KIAA1217: variants seen among roughly 807,000 people sequenced by gnomAD.
The protein encoded by KIAA1217 is KIAA1217, also known as sickle tail protein homolog.
KIAA1217 carries 88 observed loss-of-function variants against 163.9 expected under a neutral mutation model. That is an observed-to-expected ratio of 0.54 (90% CI 0.45 to 0.64). The LOEUF (loss-of-function observed/expected upper bound fraction) is 0.64, where lower values mean the gene tolerates loss of function less well. Ranked by LOEUF, KIAA1217 falls within the 30% of genes least tolerant of loss-of-function variation. KIAA1217 has a pLI of 0.00. For synonymous variants in KIAA1217, 903 were observed against 923.1 expected (o/e 0.98, Z 0.39); for missense variants, 2,372 against 2,475.0 (o/e 0.96, Z 0.88).
chr10:23,810,854 ATATAGTATATATACTATACAG>A (rs1836989911), intron 1 of KIAA1217, among the ~76,000 whole-genome samples: 2 of 123,316 alleles, frequency 1.6e-5, no homozygotes, highest in African/African-American at 6.4e-5. Flanking sequence ...TATATATATT[ATATAGTATATATACTATACAG>A]TATAGTATAC....
At chr10:23,866,729 G>C (rs1840204150) in intron 1 of KIAA1217, among the ~76,000 whole-genome samples, 1 of 151,966 alleles carries the variant, frequency 6.6e-6, no homozygotes, top group Non-Finnish European at 1.5e-5. Flanking sequence ...CGAGACCTTT[G>C]CATTCTGTAG....
chr10:23,850,552 C>T (rs1467130940), intron 1 of KIAA1217, among the ~76,000 whole-genome samples: 2 of 152,060 alleles, frequency 1.3e-5, no homozygotes, highest in Non-Finnish European at 2.9e-5. Context: ...GGGCCCAGTA[C>T]CAGCTAGAGT....
chr10:24,197,072 C>T (rs2067024736), intron 2 of KIAA1217, among the ~76,000 whole-genome samples: 1 of 152,138 alleles, frequency 6.6e-6, no homozygotes, highest in African/African-American at 2.4e-5. Context: ...AGAAATTGTA[C>T]CCAAAGCAAA....
intron 2 of KIAA1217, among the ~76,000 whole-genome samples, chr10:24,224,987 T>C (rs370830714): frequency 2.8e-4 from 43 of 151,974 alleles, no homozygotes; most frequent in Admixed American, 6.5e-4. Context: ...CCACCACGCC[T>C]AGCTAATATT....
At chr10:24,283,266 T>C (rs2078163610) in intron 2 of KIAA1217, among the ~76,000 whole-genome samples, 1 of 152,244 alleles carries the variant, frequency 6.6e-6, no homozygotes. Context: ...ATAATTAGAA[T>C]TGTACAATAT....
chr10:23,713,185 T>C (rs1837365483), intron 1 of KIAA1217, among the ~76,000 whole-genome samples: 1 of 152,194 alleles, frequency 6.6e-6, no homozygotes, highest in African/African-American at 2.4e-5. Context: ...CTATCGTACC[T>C]GCTCAGTAGC....
intron 1 of KIAA1217, among the ~76,000 whole-genome samples, chr10:23,959,933 T>TTTTA (rs1844750213): frequency 6.8e-6 from 1 of 146,898 alleles, no homozygotes; most frequent in African/African-American, 2.5e-5. Context: ...TTTTTTTTTT[T>TTTTA]GAGACAGAGT....
intron 2 of KIAA1217, among the ~76,000 whole-genome samples, chr10:24,018,464 T>G (rs995307199): frequency 1.3e-5 from 2 of 151,952 alleles, no homozygotes; most frequent in Non-Finnish European, 2.9e-5. Flanking sequence ...TGCTAAATGA[T>G]GAGTTAATGG....
At chr10:23,900,694 C>A (rs1010730508) in intron 1 of KIAA1217, among the ~76,000 whole-genome samples, 5 of 152,026 alleles carry the variant, frequency 3.3e-5, no homozygotes, top group African/African-American at 1.2e-4. Context: ...GTGTTGTATT[C>A]ATCTGGGTTA....
At chr10:23,877,833 AT>A (rs1355779419) in intron 1 of KIAA1217, among the ~76,000 whole-genome samples, 1 of 151,944 alleles carries the variant, frequency 6.6e-6, no homozygotes, top group Non-Finnish European at 1.5e-5. Flanking sequence ...TACATAAAAG[AT>A]TCATATTGTG....
At chr10:24,534,060 G>T (rs763497737) in intron 16 of KIAA1217, among the ~76,000 whole-genome samples, 11 of 152,170 alleles carry the variant, frequency 7.2e-5, no homozygotes, top group Non-Finnish European at 1.2e-4. Flanking sequence ...GCACCTTGGG[G>T]CTCAAAAACA....
intron 2 of KIAA1217, among the ~76,000 whole-genome samples, chr10:24,228,499 C>T (rs139222859): frequency 3.1e-4 from 47 of 152,216 alleles, no homozygotes; most frequent in African/African-American, 1.1e-3. Flanking sequence ...TTATTTCTTA[C>T]ACACACAAAT....
chr10:24,536,658 A>G (rs1177932933), intron 16 of KIAA1217, 116 bp from the exon 17 acceptor site: 8 of 1,063,782 alleles, frequency 7.5e-6, no homozygotes, highest in Non-Finnish European at 1.1e-5. Flanking sequence ...CCTGGCCTAA[A>G]CCTGCGTGCA....
intron 2 of KIAA1217, among the ~76,000 whole-genome samples, chr10:24,115,461 C>T (rs1054116770): frequency 1.3e-5 from 2 of 152,194 alleles, no homozygotes; most frequent in Non-Finnish European, 2.9e-5. Flanking sequence ...AAAATGTGGG[C>T]TGGCATTGGG....
At chr10:24,458,693 A>T (rs1346217307) in intron 5 of KIAA1217, among the ~76,000 whole-genome samples, 1 of 152,198 alleles carries the variant, frequency 6.6e-6, no homozygotes, top group East Asian at 1.9e-4. Context: ...TGGGAATGAG[A>T]TGAGAATTAA....
At position 24,039,795 on chromosome 10, in the gene KIAA1217, T is replaced by G. The variant is rs989798077; in HGVS notation, c.-171+32421T>G. On this transcript the variant is annotated intron_variant, in intron 2 of 18. Coordinates refer to the KIAA1217 transcript ENST00000376462. Reference sequence around the variant, plus strand: ...GTATCTTATTGGCATGATATAGATATAGATAGATATAGATATAGATATAGA... The same window carrying G: ...GTATCTTATTGGCATGATATAGATAGAGATAGATATAGATATAGATATAGA... Among the ~76,000 whole-genome samples, 18 of 132,414 alleles carry G rather than the reference T, an allele frequency of 1.4e-4. No individual in the cohort carries two copies. In the Admixed American group the frequency reaches 1.4e-3, roughly 11 times the overall value. The allele number at this position is 132,414 out of a possible 152,430, so 86.9% of individuals were successfully genotyped here. A position where few individuals can be genotyped will look rare whatever the true frequency, so the allele number is the denominator to read the frequency against.
intron 2 of KIAA1217, among the ~76,000 whole-genome samples, chr10:24,318,938 A>G (rs927488067): frequency 6.6e-6 from 1 of 152,178 alleles, no homozygotes; most frequent in Non-Finnish European, 1.5e-5. Flanking sequence ...GTGGCATCCC[A>G]TCCAGGACAC....
At chr10:24,130,220 C>T (rs1231769471) in intron 2 of KIAA1217, among the ~76,000 whole-genome samples, 3 of 152,058 alleles carry the variant, frequency 2.0e-5, no homozygotes, top group Admixed American at 6.6e-5. Context: ...CAGGCTGGAG[C>T]GCAATGGCGC....
intron 1 of KIAA1217, among the ~76,000 whole-genome samples, chr10:23,753,055 G>A (rs76022639): frequency 0.014 from 2,059 of 152,210 alleles, 13 homozygotes; most frequent in Middle Eastern, 0.031. Flanking sequence ...GATGCTCTGC[G>A]TTTTGGTTCT....
Sources: gnomAD v4.1 joint callset for allele counts (sites outside exome capture counted in the v4.1 genomes callset) on GRCh38, gnomAD v4.1.1 for gene constraint, MANE v1.5 for transcripts, NCBI Gene and HGNC (gene_info 2026-07-23, HGNC 2026-07-21) for gene names.